The following HIVEP1 variants were observed in gnomAD, a reference collection of about 807,000 sequenced individuals.
HIVEP1 encodes HIVEP zinc finger 1.
A neutral mutation model predicts 180.0 loss-of-function variants in HIVEP1; 36 were observed. The ratio of observed to expected loss-of-function variants is 0.20; its 90% CI spans 0.15 to 0.26. The LOEUF is 0.26. Among genes scored for constraint, HIVEP1 ranks in the 10% least tolerant of loss-of-function variants. The pLI is 1.00. For synonymous variants in HIVEP1, 1,239 were observed against 1,239.0 expected (o/e 1.00, Z 0.00); for missense variants, 3,143 against 3,268.7 (o/e 0.96, Z 0.94).
intron 2 of HIVEP1, among the ~76,000 whole-genome samples, chr6:12,040,537 G>A (rs1225944506): frequency 2.0e-5 from 3 of 152,140 alleles, no homozygotes; most frequent in Non-Finnish European, 4.4e-5. Context: ...GGGAAAAACA[G>A]TAATATATTC....
intron 2 of HIVEP1, among the ~76,000 whole-genome samples, chr6:12,058,400 C>CTTAAAAT (rs1771008521): frequency 6.6e-6 from 1 of 152,150 alleles, no homozygotes; most frequent in Non-Finnish European, 1.5e-5. Context: ...TAGTTCCACT[C>CTTAAAAT]CCAAGTTGGC....
At chr6:12,017,374 G>A (rs1767862710) in intron 2 of HIVEP1, among the ~76,000 whole-genome samples, 1 of 152,210 alleles carries the variant, frequency 6.6e-6, no homozygotes, top group East Asian at 1.9e-4. Context: ...TCTTCTGGTA[G>A]GTTCGTGGTC....
chr6:12,019,210 G>A (rs1257285379), intron 2 of HIVEP1, among the ~76,000 whole-genome samples: 2 of 152,132 alleles, frequency 1.3e-5, no homozygotes, highest in African/African-American at 2.4e-5. Context: ...GCGGGGGACG[G>A]GAGTGAAGCT....
At chr6:12,115,954 C>T (rs947671258) in intron 3 of HIVEP1, among the ~76,000 whole-genome samples, 3 of 151,478 alleles carry the variant, frequency 2.0e-5, no homozygotes, top group Non-Finnish European at 2.9e-5. Context: ...TTTGTGTCCT[C>T]TAATGTATTT....
chr6:12,027,812 A>G (rs1394645873), intron 2 of HIVEP1, among the ~76,000 whole-genome samples: 2 of 152,192 alleles, frequency 1.3e-5, no homozygotes, highest in Non-Finnish European at 2.9e-5. Context: ...AGGTTGTGGG[A>G]AACATGTTTA....
chr6:12,134,442 C>T (rs1758596412), intron 6 of HIVEP1, among the ~76,000 whole-genome samples: 1 of 152,152 alleles, frequency 6.6e-6, no homozygotes, highest in South Asian at 2.1e-4. Context: ...TCAGCTTGTA[C>T]AGGGATGACC....
In HIVEP1 at chr6:12,120,742, A is replaced by T. The variant is rs761212333; in HGVS notation, c.947A>T (p.Asn316Ile). ...GFTGSLTNLQNQENAKLEQVY... is the reference protein window; with the variant it reads ...GFTGSLTNLQIQENAKLEQVY... Reference sequence around the variant, plus strand: ...ACAGGATCACTGACAAATCTGCAAAATCAAGAGAATGCCAAACTTGAACAG... The same window carrying T: ...ACAGGATCACTGACAAATCTGCAAATTCAAGAGAATGCCAAACTTGAACAG... The change falls in exon 4 of 9, where the codon AAT (asparagine) becomes ATT (isoleucine). Residue 316 changes from asparagine to isoleucine, a missense_variant. This residue lies in a region of HIVEP1 where 306 missense variants were observed against 310.6 expected (regional missense o/e 0.99). Coordinates refer to ENST00000379388, the MANE Select transcript of HIVEP1 (RefSeq NM_002114.4). The T allele has an allele frequency of 1.2e-6, 2 of 1,614,104 alleles. No individual in the cohort carries two copies. The highest frequency in any genetic ancestry group is 1.7e-5 in the Admixed American group (1 of 60,008).
At chr6:12,105,962 G>T (rs1774399362) in intron 3 of HIVEP1, among the ~76,000 whole-genome samples, 1 of 150,850 alleles carries the variant, frequency 6.6e-6, no homozygotes, top group Non-Finnish European at 1.5e-5. Context: ...TTGAAATATG[G>T]CACCTTTTTC....
chr6:12,154,000 T>C (rs1759864895), intron 7 of HIVEP1, among the ~76,000 whole-genome samples: 1 of 152,152 alleles, frequency 6.6e-6, no homozygotes, highest in African/African-American at 2.4e-5. Flanking sequence ...GTGCAAAAAT[T>C]AGCCAGGCAT....
At chr6:12,198,223 C>A in the HIVEP1 span, among the ~76,000 whole-genome samples, 10 of 152,142 alleles carry the variant, frequency 6.6e-5, no homozygotes, top group African/African-American at 2.2e-4. Flanking sequence ...ATCAGTATAT[C>A]ATGGCTGAAA....
chr6:12,210,315 G>T, the HIVEP1 span, among the ~76,000 whole-genome samples: 6,214 of 152,214 alleles, frequency 0.041, 312 homozygotes, highest in East Asian at 0.17. Context: ...CACTCCCTAC[G>T]TTTCTCACCA....
At position 12,016,562 on chromosome 6, in the gene HIVEP1, AT is replaced by A. The variant is rs546310920; in HGVS notation, c.40+895del. On this transcript the variant is annotated intron_variant, in intron 2 of 8. Coordinates refer to ENST00000379388, the MANE Select transcript of HIVEP1 (RefSeq NM_002114.4). The stretch of plus-strand genomic sequence containing the variant: ...GGTAAAATCAATTTGGCTAGTCACC[AT>A]AAGGTGATCTTTGAAAATGCAGTCA... Among the ~76,000 whole-genome samples, 12 of 139,168 alleles carry A rather than the reference AT, an allele frequency of 8.6e-5. No homozygotes were observed. In the East Asian group the frequency reaches 2.3e-3, roughly 27 times the overall value. The allele number at this position is 139,168 out of a possible 152,430, so 91.3% of individuals were successfully genotyped here. A position where few individuals can be genotyped will look rare whatever the true frequency, so the allele number is the denominator to read the frequency against.
intron 5 of HIVEP1, 123 bp from the exon 6 acceptor site, chr6:12,130,644 A>G (rs764591273): frequency 9.3e-6 from 5 of 538,320 alleles, no homozygotes; most frequent in East Asian, 8.6e-5. Context: ...ACATGCATAA[A>G]ATTGTTATTG....
rs1226930135 is a variant in HIVEP1, at chr6:12,120,805, C to T, written c.1010C>T (p.Thr337Ile). The T allele has an allele frequency of 2.6e-5, 42 of 1,614,044 alleles. No homozygotes were observed. Among genetic ancestry groups the T allele is most frequent in the Non-Finnish European group, 3.6e-5 (42 of 1,180,032 alleles). Residue 337 changes from threonine to isoleucine, a missense_variant, in exon 4 of 9, where the codon ACT (threonine) becomes ATT (isoleucine). Thr to Ile is a moderately conservative substitution (Grantham distance 89). Transcript: ENST00000379388. ...GCAGTGACATCATCTGTAGGCCTAA[C>T]TTCACCTTCCAGTAGATCTCAGGTT... ...NIAVTSSVGL[T>I]SPSSRSQVTP...
chr6:12,020,806 T>A (rs1768133122), intron 2 of HIVEP1, among the ~76,000 whole-genome samples: 1 of 152,182 alleles, frequency 6.6e-6, no homozygotes, highest in Non-Finnish European at 1.5e-5. Flanking sequence ...TTCATTTTTA[T>A]TGGTTGAGTT....
chr6:12,015,746 C>A (rs1345189658), intron 2 of HIVEP1, 78 bp downstream of exon 2: 4 of 1,337,106 alleles, frequency 3.0e-6, no homozygotes, highest in South Asian at 2.4e-5. Context: ...CAGGAATGGC[C>A]GTTTGTTAGA....
At chr6:12,021,061 T>C (rs1043332932) in intron 2 of HIVEP1, among the ~76,000 whole-genome samples, 1 of 152,040 alleles carries the variant, frequency 6.6e-6, no homozygotes. Context: ...CAGCTAATTT[T>C]TTTGTATTTT....
At chr6:12,203,970 G>C in the HIVEP1 span, among the ~76,000 whole-genome samples, 1 of 152,116 alleles carries the variant, frequency 6.6e-6, no homozygotes, top group Admixed American at 6.6e-5. Context: ...CCAGCTACTT[G>C]GGAGGCTGAG....
At position 12,122,561 on chromosome 6, in the gene HIVEP1, C is replaced by T. The variant is rs751055925; in HGVS notation, c.2766C>T (p.Ser922=). ...GTACTGGACAGTCCCTGGATGAGAGCCACCAAGGATGCCATGCTGCTGGTG... is the reference window on the plus strand; with the variant it reads ...GTACTGGACAGTCCCTGGATGAGAGTCACCAAGGATGCCATGCTGCTGGTG... The part of the protein sequence containing the change: ...VLGTGQSLDE[S]HQGCHAAGEA... The change falls in exon 4 of 9, where the codon AGC becomes AGT. Residue 922 remains serine (S), a synonymous_variant. Coordinates refer to ENST00000379388, the MANE Select transcript of HIVEP1 (RefSeq NM_002114.4). 13 of 1,614,054 alleles carry T rather than the reference C, an allele frequency of 8.1e-6. No homozygotes were observed. In the South Asian group the frequency reaches 1.1e-4, roughly 14 times the overall value.
Sources: gnomAD v4.1 joint callset for allele counts (sites outside exome capture counted in the v4.1 genomes callset) on GRCh38, gnomAD v4.1.1 for gene constraint, gnomAD v4.1.1 regional missense constraint, MANE v1.5 for transcripts, NCBI Gene and HGNC (gene_info 2026-07-23, HGNC 2026-07-21) for gene names.